Variants in CRACDL observed in about 807,000 individuals in gnomAD.
CRACDL encodes CRACD-like protein.
CRACDL carries 26 observed loss-of-function variants against 70.6 expected under a neutral mutation model. That is an observed-to-expected ratio of 0.37 (90% CI 0.27 to 0.51). The LOEUF is 0.51. CRACDL is among the 20% of genes least tolerant of loss of function. The pLI is 0.94. For missense variants in CRACDL, 1,283 were observed against 1,376.9 expected (o/e 0.93, Z 1.08); for synonymous variants, 618 against 615.2 (o/e 1.00, Z -0.07).
chr2:98,917,573 C>A (rs902053013), intron 1 of CRACDL, among the ~76,000 whole-genome samples: 3 of 152,196 alleles, frequency 2.0e-5, no homozygotes, highest in Non-Finnish European at 2.9e-5. Flanking sequence ...TTAATAGGCA[C>A]CTACTTGATT....
At chr2:98,875,134 A>C (rs1261406971) in intron 1 of CRACDL, among the ~76,000 whole-genome samples, 1 of 152,196 alleles carries the variant, frequency 6.6e-6, no homozygotes, top group Non-Finnish European at 1.5e-5. Flanking sequence ...AAGTGCCGTC[A>C]CTCTGTACAA....
At chr2:98,817,767 G>A (rs759428881) in intron 7 of CRACDL, among the ~76,000 whole-genome samples, 4 of 152,214 alleles carry the variant, frequency 2.6e-5, no homozygotes, top group Non-Finnish European at 4.4e-5. Context: ...GTCAGAGACT[G>A]GAGTGTGTTA....
chr2:98,916,091 G>C (rs1708658415), intron 1 of CRACDL, among the ~76,000 whole-genome samples: 2 of 152,342 alleles, frequency 1.3e-5, no homozygotes, highest in South Asian at 4.1e-4. Flanking sequence ...TACAAAAAGG[G>C]GAGACTTTCC....
At chr2:98,916,639 A>ATT (rs572407252) in intron 1 of CRACDL, among the ~76,000 whole-genome samples, 2 of 151,714 alleles carry the variant, frequency 1.3e-5, no homozygotes, top group African/African-American at 4.8e-5. Context: ...CATAAATATC[A>ATT]TTTTTTTTAA....
chr2:98,892,922 C>G (rs965794230), intron 1 of CRACDL, among the ~76,000 whole-genome samples: 3 of 152,194 alleles, frequency 2.0e-5, no homozygotes, highest in Non-Finnish European at 2.9e-5. Context: ...CTCTGCCTCT[C>G]CGAGGGACCT....
At chr2:98,849,376 G>A (rs954528168) in intron 1 of CRACDL, among the ~76,000 whole-genome samples, 5 of 152,146 alleles carry the variant, frequency 3.3e-5, no homozygotes, top group African/African-American at 1.2e-4. Flanking sequence ...GTCCTTGTTG[G>A]GAAGAACAAG....
At chr2:98,815,659 G>T (rs1018180394) in intron 7 of CRACDL, among the ~76,000 whole-genome samples, 1 of 152,230 alleles carries the variant, frequency 6.6e-6, no homozygotes, top group Non-Finnish European at 1.5e-5. Context: ...CATAGGAGCT[G>T]CTGTGGGGAG....
chr2:98,887,627 T>C (rs899255641), intron 1 of CRACDL, among the ~76,000 whole-genome samples: 3 of 152,038 alleles, frequency 2.0e-5, no homozygotes, highest in Admixed American at 2.0e-4. Flanking sequence ...ACTTCCAAAA[T>C]TTGAGGAAAA....
At chr2:98,929,144 C>T (rs962285754) in intron 1 of CRACDL, among the ~76,000 whole-genome samples, 2 of 152,176 alleles carry the variant, frequency 1.3e-5, no homozygotes, top group Non-Finnish European at 2.9e-5. Context: ...GAACAAAGGT[C>T]AATAATTAAG....
intron 1 of CRACDL, among the ~76,000 whole-genome samples, chr2:98,891,937 C>T (rs993704578): frequency 2.0e-5 from 3 of 152,106 alleles, no homozygotes; most frequent in Non-Finnish European, 4.4e-5. Flanking sequence ...AGGCAAAGGA[C>T]ATGTAAAAAC....
chr2:98,821,783 T>C (rs1052788245), intron 7 of CRACDL, 74 bp downstream of exon 7: 121 of 1,537,816 alleles, frequency 7.9e-5, no homozygotes, highest in Non-Finnish European at 9.9e-5. Context: ...ATTTGGCGAG[T>C]GTCCAGCAAG....
chr2:98,845,937 T>G (rs1204670985), intron 2 of CRACDL, among the ~76,000 whole-genome samples: 2 of 152,182 alleles, frequency 1.3e-5, no homozygotes, highest in Non-Finnish European at 2.9e-5. Flanking sequence ...GAAATTAGTA[T>G]CTGAAGCTAG....
chr2:98,814,738 CCTG>C (rs1187416783), intron 7 of CRACDL, among the ~76,000 whole-genome samples: 2 of 152,094 alleles, frequency 1.3e-5, no homozygotes, highest in African/African-American at 4.8e-5. Flanking sequence ...TGATTTTCTA[CCTG>C]CTACTTTTCT....
intron 1 of CRACDL, among the ~76,000 whole-genome samples, chr2:98,858,935 G>A (rs1217852882): frequency 3.9e-5 from 6 of 152,150 alleles, no homozygotes; most frequent in Non-Finnish European, 7.4e-5. Flanking sequence ...CTGAATCTAA[G>A]CCAATAATAA....
At chr2:98,869,070 G>A (rs897075887) in intron 1 of CRACDL, 14 of 1,302,502 alleles carry the variant, frequency 1.1e-5, no homozygotes, top group African/African-American at 7.6e-5. Flanking sequence ...TGCTCTCAGA[G>A]GGCCCACCTG....
intron 1 of CRACDL, among the ~76,000 whole-genome samples, chr2:98,858,197 AACACCT>A (rs556198457): frequency 4.6e-4 from 70 of 152,184 alleles, no homozygotes; most frequent in Non-Finnish European, 7.3e-4. Context: ...TGTGCTTATA[AACACCT>A]ACGTAAAAAA....
intron 1 of CRACDL, among the ~76,000 whole-genome samples, chr2:98,895,048 C>G (rs1708082473): frequency 6.6e-6 from 1 of 152,114 alleles, no homozygotes; most frequent in Non-Finnish European, 1.5e-5. Flanking sequence ...GAGATTGAGG[C>G]TTCAGCGGTC....
chr2:98,819,615 G>A (rs1210017869), intron 7 of CRACDL, among the ~76,000 whole-genome samples: 1 of 152,134 alleles, frequency 6.6e-6, no homozygotes, highest in Non-Finnish European at 1.5e-5. Context: ...ATCCTTGTGT[G>A]TCACGTTAGG....
intron 1 of CRACDL, among the ~76,000 whole-genome samples, chr2:98,903,232 A>G (rs1708326779): frequency 6.6e-6 from 1 of 152,164 alleles, no homozygotes; most frequent in Non-Finnish European, 1.5e-5. Context: ...GCCTGAAGCC[A>G]CAAGGAGCTC....
Sources: allele counts gnomAD v4.1 joint callset (sites outside exome capture counted in the v4.1 genomes callset), GRCh38; gene constraint gnomAD v4.1.1; transcripts MANE v1.5; gene names NCBI Gene and HGNC (gene_info 2026-07-23, HGNC 2026-07-21).